MACF1: variants seen among roughly 807,000 people sequenced by gnomAD.
MACF1 encodes microtubule actin crosslinking factor 1.
MACF1 carries 193 observed loss-of-function variants against 854.8 expected under a neutral mutation model. The observed-to-expected ratio is 0.23, with a 90% confidence interval of 0.20 to 0.25. MACF1 has a LOEUF of 0.25. Among genes scored for constraint, MACF1 ranks in the 10% least tolerant of loss-of-function variants. MACF1 has a pLI of 1.00. For missense variants in MACF1, 7,722 were observed against 8,929.1 expected, an observed-to-expected ratio of 0.86 and a Z score of 5.45; for synonymous variants, 3,185 against 3,226.7, an observed-to-expected ratio of 0.99 and a Z score of 0.44.
chr1:39,370,938 T>C (rs1649175484), intron 51 of MACF1, among the ~76,000 whole-genome samples: 1 of 152,174 alleles, frequency 6.6e-6, no homozygotes, highest in South Asian at 2.1e-4. Context: ...TCATATGGTG[T>C]TCAACAGATG....
Position 39,441,231 on chromosome 1 carries a change from A to C in MACF1, c.18578A>C (p.Asn6193Thr), listed in dbSNP as rs1422331567. 6.2e-7 allele frequency: 1 copy of C among 1,614,096 alleles called. No individual in the cohort carries two copies. Among genetic ancestry groups the C allele is most frequent in the South Asian group, 1.1e-5 (1 of 91,080 alleles). Residue 6193 changes from asparagine to threonine, a missense_variant, in exon 74 of 101, where the codon AAT becomes ACT. By Grantham distance (65) the Asn-to-Thr change is moderately conservative. Transcript: ENST00000564288. Reference protein sequence around the residue: ...EVRKSIDEMNNAWENLNKTWK... With the variant: ...EVRKSIDEMNTAWENLNKTWK... ...TGAATGTTTTTCCCCTAGATGAATA[A>C]TGCTTGGGAGAACTTAAACAAAACA... is the stretch of plus-strand genomic sequence containing the variant.
intron 45 of MACF1, 78 bp from the exon 46 acceptor site, chr1:39,358,619 C>A: frequency 7.2e-7 from 1 of 1,381,174 alleles, no homozygotes; most frequent in Non-Finnish European, 1.0e-6. Context: ...GTAACAAAGC[C>A]AGGCCTCTTT....
Position 39,336,651 on chromosome 1 carries a change from C to G in MACF1, c.10063C>G (p.Gln3355Glu). 6.3e-7 allele frequency: 1 copy of G among 1,586,780 alleles called. No individual in the cohort carries two copies. The highest frequency in any genetic ancestry group is 1.2e-5 in the South Asian group (1 of 85,936). Residue 3355 changes from glutamine (Q) to glutamate (E), a missense_variant and splice_region_variant, in exon 37 of 101, where the codon CAG (glutamine) becomes GAG (glutamate). Around this residue, in one of 15 missense-constraint regions of MACF1, gnomAD observed 854 missense variants for 852.6 expected, o/e 1.00. Transcript: ENST00000564288. ...GVNPEPFRAT[Q>E]NVFTRQLCLE... ...AAACCCAGAGCCCTTCAGAGCAACTCAGGTCAGTGGTGTGCTTTTTTTTTT... is the reference window on the plus strand; with the variant it reads ...AAACCCAGAGCCCTTCAGAGCAACTGAGGTCAGTGGTGTGCTTTTTTTTTT...
rs138783211 is a variant in MACF1 at position 39,157,762 on chromosome 1, A to G, written c.220+73324A>G. 1.4e-4 allele frequency among the ~76,000 whole-genome samples: 22 copies of G among 152,170 alleles called. No homozygotes were observed. In the East Asian group the frequency reaches 3.9e-3, roughly 27 times the overall value. On this transcript the variant is annotated intron_variant, in intron 2 of 93. Transcript: ENST00000361689. ...CACTTTGTCACCAAGGCTAGAGTGC[A>G]GTGGTGTGATCTTGGCTCACTGCAG...
chr1:39,142,972 G>T (rs1291659417), intron 2 of MACF1, among the ~76,000 whole-genome samples: 1 of 152,126 alleles, frequency 6.6e-6, no homozygotes, highest in African/African-American at 2.4e-5. Context: ...TACTTTTCAG[G>T]GACAATTAAG....
At chr1:39,140,440 C>T (rs1356286761) in intron 2 of MACF1, among the ~76,000 whole-genome samples, 6 of 152,156 alleles carry the variant, frequency 3.9e-5, no homozygotes, top group Admixed American at 1.3e-4. Flanking sequence ...TCCCATAGCA[C>T]AGAGTATTGC....
At chr1:39,354,971 C>T (rs557789699) in intron 44 of MACF1, among the ~76,000 whole-genome samples, 3 of 152,168 alleles carry the variant, frequency 2.0e-5, no homozygotes, top group Non-Finnish European at 4.4e-5. Context: ...CATCAACTGG[C>T]ATATACAGGC....
At chr1:39,444,296 A>G (rs1471248081) in intron 79 of MACF1, among the ~76,000 whole-genome samples, 2 of 152,142 alleles carry the variant, frequency 1.3e-5, no homozygotes, top group Non-Finnish European at 2.9e-5. Context: ...GATCACTGCC[A>G]CTGCACTCCA....
At chr1:39,235,939 T>C (rs1364790341) in intron 2 of MACF1, among the ~76,000 whole-genome samples, 1 of 152,206 alleles carries the variant, frequency 6.6e-6, no homozygotes, top group African/African-American at 2.4e-5. Context: ...GGTCTTGGTA[T>C]GTTGCCCAGG....
intron 1 of MACF1, among the ~76,000 whole-genome samples, chr1:39,224,519 G>A (rs1256272345): frequency 1.3e-5 from 2 of 152,138 alleles, no homozygotes; most frequent in Non-Finnish European, 2.9e-5. Context: ...CATTGGGTTG[G>A]CAATTAGGTG....
chr1:39,327,456 A>G, intron 36 of MACF1, 103 bp downstream of exon 36: 1 of 1,239,438 alleles, frequency 8.1e-7, no homozygotes, highest in Non-Finnish European at 1.1e-6. Context: ...TCCATGACCA[A>G]TGTGACTTAA....
intron 6 of MACF1, among the ~76,000 whole-genome samples, chr1:39,270,851 C>CA (rs1251856996): frequency 1.3e-5 from 2 of 152,200 alleles, no homozygotes; most frequent in Non-Finnish European, 2.9e-5. Flanking sequence ...AGGATAGATA[C>CA]AAATTCTGAG....
chr1:39,212,699 A>G (rs1203134531), intron 1 of MACF1, among the ~76,000 whole-genome samples: 3 of 151,928 alleles, frequency 2.0e-5, no homozygotes, highest in African/African-American at 4.8e-5. Context: ...CTCGGCTCAC[A>G]GCAACCTCTG....
intron 23 of MACF1, among the ~76,000 whole-genome samples, chr1:39,307,050 T>A (rs1646196181): frequency 1.3e-5 from 2 of 151,840 alleles, no homozygotes; most frequent in East Asian, 3.9e-4. Flanking sequence ...AATTTTTATA[T>A]TTTTAGTAAA....
At chr1:39,464,672 TAGAG>T in intron 94 of MACF1, 1 of 178,820 alleles carries the variant, frequency 5.6e-6, no homozygotes, top group South Asian at 1.2e-4. Context: ...TTTTGGAAGG[TAGAG>T]AGGCGAGCGA....
At chr1:39,458,318 A>T (rs1644483504) in intron 89 of MACF1, 52 bp from the exon 90 acceptor site, 3 of 1,585,854 alleles carry the variant, frequency 1.9e-6, no homozygotes, top group Admixed American at 1.7e-5. Flanking sequence ...TTGCCCCCAT[A>T]AGAGTAAAAA....
At chr1:39,298,440 G>A (rs927665331) in intron 21 of MACF1, among the ~76,000 whole-genome samples, 2 of 152,142 alleles carry the variant, frequency 1.3e-5, no homozygotes, top group African/African-American at 4.8e-5. Context: ...ATTACACAGA[G>A]TTGGCAAGAC....
At position 39,284,423 on chromosome 1, in the gene MACF1, C is replaced by G. The variant is rs1256357095; in HGVS notation, c.1126C>G (p.Leu376Val). 1 of 1,586,334 alleles carries G rather than the reference C, an allele frequency of 6.3e-7. No homozygotes were observed. Among genetic ancestry groups the G allele is most frequent in the Non-Finnish European group, 8.6e-7 (1 of 1,167,852 alleles). ...AAGAATTGAGGAATTATATAAATTA[C>G]TAGAGGTAAGTGAGCTTATCCTTTG... ...KGRIEELYKL[L>V]EVWIEFGRIK... is the part of the protein sequence containing the mutation. Residue 376 changes from leucine to valine, a missense_variant, in exon 11 of 101, where the codon CTA becomes GTA. Transcript: ENST00000564288.
chr1:39,116,403 T>TGTGC (rs1642546231), intron 2 of MACF1, among the ~76,000 whole-genome samples: 1 of 151,320 alleles, frequency 6.6e-6, no homozygotes, highest in Admixed American at 6.6e-5. Context: ...TGTGTGTGTG[T>TGTGC]GCACGTGTGT....
Sources: allele counts gnomAD v4.1 joint callset (sites outside exome capture counted in the v4.1 genomes callset), GRCh38; gene constraint gnomAD v4.1.1; regional missense constraint gnomAD v4.1.1; transcripts MANE v1.5; gene names NCBI Gene and HGNC (gene_info 2026-07-23, HGNC 2026-07-21).